The following ELMOD1 variants were observed in gnomAD, a reference collection of about 807,000 sequenced individuals.
ELMOD1 encodes ELMO domain containing 1.
Under a neutral mutation model 46.7 loss-of-function variants are expected in ELMOD1, and 21 were observed. The ratio of observed to expected loss-of-function variants is 0.45; its 90% CI spans 0.32 to 0.65. The LOEUF (loss-of-function observed/expected upper bound fraction) is 0.65. Ranked by LOEUF, ELMOD1 falls within the 30% of genes least tolerant of loss-of-function variation. The pLI is 0.04. For missense variants in ELMOD1, 348 were observed against 407.8 expected (o/e 0.85, Z 1.26); for synonymous variants, 122 against 138.2 (o/e 0.88, Z 0.82).
chr11:107,629,226 G>A (rs367745277), intron 2 of ELMOD1, among the ~76,000 whole-genome samples: 1 of 152,166 alleles, frequency 6.6e-6, no homozygotes, highest in African/African-American at 2.4e-5. Flanking sequence ...AAAGGAACAC[G>A]GTCAAGGTTT....
intron 1 of ELMOD1, among the ~76,000 whole-genome samples, chr11:107,614,993 C>T (rs1591109458): frequency 1.3e-5 from 2 of 152,174 alleles, no homozygotes; most frequent in Non-Finnish European, 1.5e-5. Flanking sequence ...GTATTTAAGT[C>T]CCTGTTTGTT....
At chr11:107,657,440 T>C (rs1461717314) in intron 11 of ELMOD1, among the ~76,000 whole-genome samples, 2 of 152,104 alleles carry the variant, frequency 1.3e-5, no homozygotes, top group Non-Finnish European at 2.9e-5. Context: ...GGTGAGAAGA[T>C]CGCTTGAGCC....
rs185138971 is a variant in ELMOD1, at chr11:107,611,625, A to T, written c.-85-6480A>T. Among the ~76,000 whole-genome samples the T allele has an allele frequency of 1.3e-3, 188 of 150,084 alleles. 1 individual carries two copies. The highest frequency in any genetic ancestry group is 3.9e-3 in the African/African-American group (157 of 40,748). ...GAGGCTGAAGCAGGAGAATGGCGTGAACCTGGGAGGTGGAGCTTGCAGTGA... is the reference window on the plus strand; with the variant it reads ...GAGGCTGAAGCAGGAGAATGGCGTGTACCTGGGAGGTGGAGCTTGCAGTGA... On this transcript the variant is annotated intron_variant, in intron 1 of 11. Coordinates refer to ENST00000265840, the MANE Select transcript of ELMOD1 (RefSeq NM_018712.4).
Position 107,663,082 on chromosome 11 carries a change from T to C in ELMOD1, c.833-1943T>C, listed in dbSNP as rs112965103. ...TCATCCAAGGAACAAACCGTCAGTG[T>C]TGTCACCAGAGAAGTTCAAGCCTGA... is the stretch of plus-strand genomic sequence containing the variant. On this transcript the variant is annotated intron_variant, in intron 11 of 11. Coordinates refer to ENST00000265840, the MANE Select transcript of ELMOD1 (RefSeq NM_018712.4). Among the ~76,000 whole-genome samples the C allele has an allele frequency of 1.7e-3, 261 of 152,158 alleles. 1 individual carries two copies. The highest frequency in any genetic ancestry group is 6.0e-3 in the African/African-American group (248 of 41,522).
intron 5 of ELMOD1, among the ~76,000 whole-genome samples, chr11:107,634,069 T>C (rs1866186740): frequency 6.6e-6 from 1 of 152,056 alleles, no homozygotes; most frequent in South Asian, 2.1e-4. Context: ...AAAAAAAATA[T>C]GATGATGTAC....
At chr11:107,652,671 A>T (rs1866545637) in intron 9 of ELMOD1, among the ~76,000 whole-genome samples, 1 of 152,182 alleles carries the variant, frequency 6.6e-6, no homozygotes, top group African/African-American at 2.4e-5. Flanking sequence ...TAAGGTAAAA[A>T]AATCTCCTGA....
Position 107,630,829 on chromosome 11 carries a change from G to A in ELMOD1, c.192+101G>A, listed in dbSNP as rs1866123816. The A allele has an allele frequency of 3.5e-6, 4 of 1,134,148 alleles. No individual in the cohort carries two copies. In the South Asian group the frequency reaches 5.7e-5, roughly 16 times the overall value. 70.3% of individuals were successfully genotyped at this position (1,134,148 alleles called of 1,614,324 possible). On this transcript the variant is annotated intron_variant, in intron 4 of 11. Transcript: ENST00000265840. The stretch of plus-strand genomic sequence containing the variant: ...GAAACCAAAATATACCACTGGCTAG[G>A]AAAACTACTGCCAACTGAGAAGAAA...
chr11:107,593,741 G>A (rs953465693), intron 1 of ELMOD1, among the ~76,000 whole-genome samples: 1 of 152,148 alleles, frequency 6.6e-6, no homozygotes, highest in Non-Finnish European at 1.5e-5. Context: ...TATTTGGTAC[G>A]AACTTATACT....
chr11:107,603,107 C>T (rs570234182), intron 1 of ELMOD1, among the ~76,000 whole-genome samples: 2 of 152,310 alleles, frequency 1.3e-5, no homozygotes, highest in South Asian at 4.1e-4. Context: ...ATCTCATTTT[C>T]CTCCATCACC....
chr11:107,600,650 A>G (rs1220908845), intron 1 of ELMOD1: 1 of 152,902 alleles, frequency 6.5e-6, no homozygotes, highest in Non-Finnish European at 1.5e-5. Context: ...TCTGTTAGCT[A>G]ATGAGCATAC....
At position 107,665,409 on chromosome 11, in the gene ELMOD1, A is replaced by G. The variant is rs1591145127; in HGVS notation, c.*212A>G. On this transcript the variant is annotated 3_prime_UTR_variant, in exon 12 of 12. Coordinates refer to ENST00000265840, the MANE Select transcript of ELMOD1 (RefSeq NM_018712.4). ...ATCCAGTGACTGCTCATATTGTGGCATTATGCAGTGTTACATCTTGCCTTG... is the reference window on the plus strand; with the variant it reads ...ATCCAGTGACTGCTCATATTGTGGCGTTATGCAGTGTTACATCTTGCCTTG... The G allele has an allele frequency of 1.8e-6, 1 of 540,760 alleles. No homozygotes were observed. The highest frequency in any genetic ancestry group is 3.0e-5 in the East Asian group (1 of 33,062). The allele number at this position is 540,760 out of a possible 1,614,324, so 33.5% of individuals were successfully genotyped here. A position where few individuals can be genotyped will look rare whatever the true frequency, so the allele number is the denominator to read the frequency against.
chr11:107,616,012 T>C (rs1356883363), intron 1 of ELMOD1, among the ~76,000 whole-genome samples: 1 of 82,914 alleles, frequency 1.2e-5, no homozygotes. Context: ...TTTTTTTTTT[T>C]TGAGACAGAG....
At chr11:107,638,599 T>C (rs1866268061) in intron 6 of ELMOD1, among the ~76,000 whole-genome samples, 1 of 152,218 alleles carries the variant, frequency 6.6e-6, no homozygotes, top group Admixed American at 6.5e-5. Flanking sequence ...AGCTTCTTCA[T>C]CTTTAAAATG....
intron 4 of ELMOD1, 96 bp from the exon 5 acceptor site, chr11:107,631,484 G>A: frequency 2.0e-6 from 1 of 488,380 alleles, no homozygotes; most frequent in Non-Finnish European, 3.3e-6. Context: ...TCTTCATATA[G>A]AAGCTTAAGC....
chr11:107,600,977 T>A (rs981779098), intron 1 of ELMOD1: 1 of 152,042 alleles, frequency 6.6e-6, no homozygotes, highest in African/African-American at 2.4e-5. Flanking sequence ...CACAGCCCCA[T>A]GGAATCTTCT....
At chr11:107,624,869 T>C (rs780092941) in intron 2 of ELMOD1, among the ~76,000 whole-genome samples, 39 of 152,098 alleles carry the variant, frequency 2.6e-4, no homozygotes, top group Non-Finnish European at 5.4e-4. Flanking sequence ...GCAGTATAAT[T>C]TTGAATAACA....
rs533558314 is a variant in ELMOD1, at chr11:107,644,804, CCT to C, written c.421-2663_421-2662del. ...AATATATTTTTTAGTTGTGCAGGGCCCTGAGATGACTTCACATTATTATTCAA... is the reference window on the plus strand; with the variant it reads ...AATATATTTTTTAGTTGTGCAGGGCCGAGATGACTTCACATTATTATTCAA... On this transcript the variant is annotated intron_variant, in intron 6 of 11. Transcript: ENST00000265840. Among the ~76,000 whole-genome samples, 123 of 152,214 alleles carry C rather than the reference CCT, an allele frequency of 8.1e-4. 1 individual carries two copies. In the South Asian group the frequency reaches 0.017, roughly 22 times the overall value.
At chr11:107,600,309 A>C (rs1016476932) in intron 1 of ELMOD1, 8 of 152,164 alleles carry the variant, frequency 5.3e-5, no homozygotes, top group Middle Eastern at 3.2e-3. Context: ...TTAGTAAATA[A>C]ATTTTTTTAA....
intron 6 of ELMOD1, among the ~76,000 whole-genome samples, chr11:107,637,398 A>G (rs1029818756): frequency 6.6e-6 from 1 of 152,146 alleles, no homozygotes; most frequent in Admixed American, 6.5e-5. Flanking sequence ...CACCTTCAAA[A>G]ATCACTAAAT....
Sources: gnomAD v4.1 joint callset for allele counts (sites outside exome capture counted in the v4.1 genomes callset) on GRCh38, gnomAD v4.1.1 for gene constraint, MANE v1.5 for transcripts, NCBI Gene and HGNC (gene_info 2026-07-23, HGNC 2026-07-21) for gene names.